SHISA9: variants seen among roughly 807,000 people sequenced by gnomAD.
SHISA9 encodes the protein protein shisa-9.
A neutral mutation model predicts 38.0 loss-of-function variants in SHISA9; 13 were observed. The ratio of observed to expected loss-of-function variants is 0.34; its 90% CI spans 0.22 to 0.54. The LOEUF is 0.54. Among genes scored for constraint, SHISA9 ranks in the 20% least tolerant of loss-of-function variants. SHISA9 has a pLI of 0.91. For synonymous variants in SHISA9, 275 were observed against 242.0 expected, an observed-to-expected ratio of 1.14 and a Z score of -1.27; for missense variants, 538 against 575.8, an observed-to-expected ratio of 0.93 and a Z score of 0.67.
At chr16:13,353,137 G>A in the SHISA9 span, among the ~76,000 whole-genome samples, 1 of 152,112 alleles carries the variant, frequency 6.6e-6, no homozygotes, top group Non-Finnish European at 1.5e-5. Context: ...GCTTCAAGCG[G>A]GATTGGGGGC....
chr16:13,162,458 G>C (rs2050603108), intron 2 of SHISA9, among the ~76,000 whole-genome samples: 1 of 152,170 alleles, frequency 6.6e-6, no homozygotes, highest in Non-Finnish European at 1.5e-5. Flanking sequence ...TTTTTACCTT[G>C]CATTAGCATC....
chr16:13,431,798 C>T, the SHISA9 span, among the ~76,000 whole-genome samples: 7 of 152,276 alleles, frequency 4.6e-5, no homozygotes, highest in South Asian at 8.3e-4. Flanking sequence ...AAGTGGCTCA[C>T]GTCTGTAATC....
chr16:13,397,132 G>T, the SHISA9 span, among the ~76,000 whole-genome samples: 1 of 152,266 alleles, frequency 6.6e-6, no homozygotes, highest in Non-Finnish European at 1.5e-5. Flanking sequence ...TAAATTAACT[G>T]TAAGAATACA....
At chr16:13,158,958 G>A (rs1372964128) in intron 2 of SHISA9, among the ~76,000 whole-genome samples, 1 of 150,838 alleles carries the variant, frequency 6.6e-6, no homozygotes, top group South Asian at 2.1e-4. Context: ...TACTCGCGAG[G>A]CTGAGGCAGG....
the SHISA9 span, among the ~76,000 whole-genome samples, chr16:13,486,983 C>T: frequency 2.0e-5 from 3 of 152,224 alleles, no homozygotes; most frequent in South Asian, 2.1e-4. Flanking sequence ...GGATTACAAG[C>T]GTGAGCCACC....
chr16:12,992,672 G>A (rs943974866), intron 2 of SHISA9, among the ~76,000 whole-genome samples: 8 of 152,170 alleles, frequency 5.3e-5, no homozygotes, highest in Non-Finnish European at 1.2e-4. Flanking sequence ...CACAACAAAA[G>A]GCTGTTTTCC....
chr16:12,951,247 A>G (rs1449116639), intron 2 of SHISA9, among the ~76,000 whole-genome samples: 7 of 144,512 alleles, frequency 4.8e-5, no homozygotes, highest in African/African-American at 1.7e-4. Flanking sequence ...AAAAAAAAAA[A>G]AAGGCAAAAA....
the SHISA9 span, among the ~76,000 whole-genome samples, chr16:13,470,179 AAG>A: frequency 6.6e-6 from 1 of 152,244 alleles, no homozygotes; most frequent in Non-Finnish European, 1.5e-5. Flanking sequence ...AAAAGAAAAT[AAG>A]AGAAGTTATA....
At chr16:13,055,972 A>T (rs1024215562) in intron 2 of SHISA9, among the ~76,000 whole-genome samples, 4 of 152,158 alleles carry the variant, frequency 2.6e-5, no homozygotes, top group African/African-American at 9.7e-5. Context: ...GATGTCACAC[A>T]TGTGGTTTTC....
the SHISA9 span, among the ~76,000 whole-genome samples, chr16:13,428,293 AAG>A: frequency 8.0e-5 from 12 of 150,792 alleles, no homozygotes; most frequent in South Asian, 2.1e-4. Context: ...AAAACAAAGA[AAG>A]AGAGAGAGAG....
intron 2 of SHISA9, among the ~76,000 whole-genome samples, chr16:13,190,428 G>A: frequency 6.6e-6 from 1 of 152,158 alleles, no homozygotes; most frequent in East Asian, 1.9e-4. Flanking sequence ...ATACATTGTG[G>A]TTTCTTCGTC....
At chr16:13,110,862 G>A (rs1324886537) in intron 2 of SHISA9, among the ~76,000 whole-genome samples, 2 of 152,204 alleles carry the variant, frequency 1.3e-5, no homozygotes, top group Admixed American at 1.3e-4. Context: ...GGGCTCCTTA[G>A]TGGTAACTGA....
the SHISA9 span, among the ~76,000 whole-genome samples, chr16:13,521,360 A>T: frequency 6.6e-6 from 1 of 152,080 alleles, no homozygotes; most frequent in South Asian, 2.1e-4. Flanking sequence ...TAGTCATTCT[A>T]TTTTTTCCAA....
At chr16:13,156,061 A>G (rs1457141282) in intron 2 of SHISA9, among the ~76,000 whole-genome samples, 1 of 152,096 alleles carries the variant, frequency 6.6e-6, no homozygotes, top group Non-Finnish European at 1.5e-5. Context: ...TCTTAAGTGG[A>G]TGGTATTTTG....
chr16:13,107,979 T>C (rs181321576), intron 2 of SHISA9, among the ~76,000 whole-genome samples: 252 of 152,314 alleles, frequency 1.7e-3, no homozygotes, highest in South Asian at 6.4e-3. Context: ...GGGAGTGTTA[T>C]GGACATTGTA....
chr16:13,025,642 A>G (rs1337411128), intron 2 of SHISA9, among the ~76,000 whole-genome samples: 1 of 152,254 alleles, frequency 6.6e-6, no homozygotes, highest in African/African-American at 2.4e-5. Context: ...TAGTCACTTA[A>G]TAGTAGAACA....
chr16:12,966,893 G>A (rs544788424), intron 2 of SHISA9, among the ~76,000 whole-genome samples: 3 of 152,188 alleles, frequency 2.0e-5, no homozygotes, highest in Non-Finnish European at 4.4e-5. Flanking sequence ...TAGCTGTCCA[G>A]ACAATCTCTT....
intron 2 of SHISA9, among the ~76,000 whole-genome samples, chr16:13,094,774 G>T (rs906747486): frequency 3.9e-5 from 6 of 152,128 alleles, no homozygotes; most frequent in Non-Finnish European, 7.4e-5. Context: ...TGGCCTTTAT[G>T]GTTAAGCAGA....
At chr16:13,014,399 T>C (rs1203402812) in intron 2 of SHISA9, among the ~76,000 whole-genome samples, 1 of 152,216 alleles carries the variant, frequency 6.6e-6, no homozygotes, top group African/African-American at 2.4e-5. Flanking sequence ...AGCCCACTTG[T>C]TAACGTCCTC....
Sources: allele counts gnomAD v4.1 joint callset (sites outside exome capture counted in the v4.1 genomes callset), GRCh38; gene constraint gnomAD v4.1.1; transcripts MANE v1.5; gene names NCBI Gene and HGNC (gene_info 2026-07-23, HGNC 2026-07-21).